Variants in GSN observed in about 807,000 individuals in gnomAD.
The protein encoded by GSN is gelsolin.
In GSN, 56 loss-of-function variants were observed where a neutral mutation model predicts 85.7. That is an observed-to-expected ratio of 0.65 (90% CI 0.53 to 0.82). The LOEUF (loss-of-function observed/expected upper bound fraction) is 0.82. GSN is among the 40% of genes least tolerant of loss of function. The pLI is 0.00. For synonymous variants in GSN, 373 were observed against 399.1 expected, an observed-to-expected ratio of 0.93 and a Z score of 0.78; for missense variants, 857 against 979.8, an observed-to-expected ratio of 0.87 and a Z score of 1.67.
chr9:121,287,165 G>A (rs540395141), intron 2 of GSN, among the ~76,000 whole-genome samples: 3 of 152,258 alleles, frequency 2.0e-5, no homozygotes, highest in Non-Finnish European at 4.4e-5. Flanking sequence ...TTTGTTTGGC[G>A]ATTGTTTTTC....
chr9:121,282,113 T>G, intron 2 of GSN: 1 of 461,672 alleles, frequency 2.2e-6, no homozygotes, highest in Admixed American at 2.5e-5. Flanking sequence ...GGTGACCTGC[T>G]GAAGTAGGTG....
intron 6 of GSN, among the ~76,000 whole-genome samples, chr9:121,251,963 AAAAC>A (rs765049719): frequency 2.6e-5 from 4 of 152,192 alleles, no homozygotes; most frequent in East Asian, 1.9e-4. Context: ...CTCTGTCTCC[AAAAC>A]AAACAAACAA....
chr9:121,275,774 A>G (rs545482691), intron 1 of GSN, among the ~76,000 whole-genome samples: 3 of 152,352 alleles, frequency 2.0e-5, no homozygotes, highest in African/African-American at 7.2e-5. Flanking sequence ...TGCATAAAAT[A>G]TAGTTTTCAT....
At chr9:121,286,623 C>G (rs1455322022) in intron 2 of GSN, 5 of 1,525,292 alleles carry the variant, frequency 3.3e-6, no homozygotes, top group Non-Finnish European at 4.4e-6. Flanking sequence ...GCTTGAATGA[C>G]TATTGGTGTT....
chr9:121,236,304 C>T, intron 5 of GSN, among the ~76,000 whole-genome samples: 1 of 152,128 alleles, frequency 6.6e-6, no homozygotes, highest in Non-Finnish European at 1.5e-5. Context: ...ACTGCAGCCT[C>T]CACCTTCTGG....
At chr9:121,317,674 C>T (rs577424157) in intron 8 of GSN, 65 of 270,446 alleles carry the variant, frequency 2.4e-4, no homozygotes, top group African/African-American at 1.4e-3. Context: ...TAAACTCTTT[C>T]GGTACTATCT....
intron 5 of GSN, among the ~76,000 whole-genome samples, chr9:121,243,769 G>T (rs1226105799): frequency 3.3e-5 from 5 of 152,044 alleles, no homozygotes; most frequent in Non-Finnish European, 7.4e-5. Flanking sequence ...GAAGAAACAG[G>T]GTTTCACCAG....
intron 1 of GSN, among the ~76,000 whole-genome samples, chr9:121,271,511 C>T (rs970874797): frequency 1.1e-4 from 16 of 152,168 alleles, no homozygotes; most frequent in Admixed American, 2.6e-4. Flanking sequence ...TAACATGCCC[C>T]GGGTTGTGTG....
upstream of GSN, among the ~76,000 whole-genome samples, chr9:121,204,906 A>G (rs1037588946): frequency 6.6e-6 from 1 of 152,230 alleles, no homozygotes; most frequent in African/African-American, 2.4e-5. Flanking sequence ...TTGTTAAACT[A>G]TAAGAGGAGG....
chr9:121,212,403 G>GT (rs1463341739), intron 4 of GSN, among the ~76,000 whole-genome samples: 1 of 152,096 alleles, frequency 6.6e-6, no homozygotes, highest in Admixed American at 6.6e-5. Context: ...ATAAATGTGT[G>GT]TAAAATCCCA....
chr9:121,316,513 C>T (rs1046731919), intron 7 of GSN, among the ~76,000 whole-genome samples: 1 of 152,152 alleles, frequency 6.6e-6, no homozygotes, highest in Non-Finnish European at 1.5e-5. Context: ...CTCTGTTACC[C>T]AGGCTGGAGT....
intron 7 of GSN, among the ~76,000 whole-genome samples, chr9:121,315,231 C>T (rs1176370537): frequency 2.6e-5 from 4 of 152,092 alleles, no homozygotes; most frequent in East Asian, 1.9e-4. Flanking sequence ...TCAACATGGT[C>T]GGGAATATCT....
At chr9:121,324,725 C>G in intron 12 of GSN, 81 bp downstream of exon 12, 1 of 735,958 alleles carries the variant, frequency 1.4e-6, no homozygotes, top group Non-Finnish European at 2.4e-6. Flanking sequence ...TCTCATCCAT[C>G]CATTCGTTTG....
At chr9:121,296,936 G>T (rs1330796397) in intron 2 of GSN, among the ~76,000 whole-genome samples, 1 of 152,206 alleles carries the variant, frequency 6.6e-6, no homozygotes, top group African/African-American at 2.4e-5. Context: ...GATCATTAAC[G>T]TGGTCCCTGG....
At chr9:121,202,447 C>A in the GSN span, among the ~76,000 whole-genome samples, 1 of 152,212 alleles carries the variant, frequency 6.6e-6, no homozygotes, top group African/African-American at 2.4e-5. Context: ...TGTCCAAGAT[C>A]ACGCAGCTAG....
chr9:121,287,896 A>G (rs1480561044), intron 2 of GSN, among the ~76,000 whole-genome samples: 2 of 151,912 alleles, frequency 1.3e-5, no homozygotes, highest in South Asian at 2.1e-4. Context: ...GTCCATCTCT[A>G]TGCACACCCC....
rs960720730 is a variant in GSN, at chr9:121,299,796, C to A, written c.-9-2167C>A. 3.2e-6 allele frequency: 4 copies of A among 1,254,392 alleles called. No individual in the cohort carries two copies. The highest frequency in any genetic ancestry group is 3.0e-6 in the Non-Finnish European group (3 of 993,206). The allele number at this position is 1,254,392 out of a possible 1,614,324, so 77.7% of individuals were successfully genotyped here. ...CCCCGGCTTGGGCGGGATGGGCGGG[C>A]GGCTACTTAAGGTCGGCGACCCGAG... On this transcript the variant is annotated intron_variant, in intron 2 of 17. Transcript: ENST00000432226. The surrounding 1 kb of genome is among the most constrained non-coding windows in gnomAD (Gnocchi z 4.2).
intron 6 of GSN, among the ~76,000 whole-genome samples, chr9:121,258,464 G>A (rs1227531319): frequency 6.2e-5 from 9 of 145,056 alleles, no homozygotes; most frequent in Non-Finnish European, 6.1e-5. Context: ...CTCCTTATCA[G>A]AAAAAAAAAA....
intron 4 of GSN, among the ~76,000 whole-genome samples, chr9:121,307,535 C>T (rs953069264): frequency 1.3e-5 from 2 of 152,124 alleles, no homozygotes; most frequent in Admixed American, 1.3e-4. Flanking sequence ...GGGATAGAAC[C>T]CAGCACTGCC....
Sources: allele counts gnomAD v4.1 joint callset (sites outside exome capture counted in the v4.1 genomes callset), GRCh38; gene constraint gnomAD v4.1.1; non-coding constraint Gnocchi (gnomAD v3.1); transcripts MANE v1.5; gene names NCBI Gene and HGNC (gene_info 2026-07-23, HGNC 2026-07-21).